The following SLC8A2 variants were observed in gnomAD, a reference collection of about 807,000 sequenced individuals.
The protein encoded by SLC8A2 is solute carrier family 8 member A2, also known as sodium/calcium exchanger 2.
In SLC8A2, 14 loss-of-function variants were observed where a neutral mutation model predicts 70.2. The ratio of observed to expected loss-of-function variants is 0.20; its 90% CI spans 0.13 to 0.31. SLC8A2 has a LOEUF of 0.31. Among genes scored for constraint, SLC8A2 ranks in the 10% least tolerant of loss-of-function variants. The probability of loss-of-function intolerance (pLI) is 1.00; values close to 1 mark genes in which losing one functional copy is unlikely to be tolerated. For missense variants in SLC8A2, 779 were observed against 1,320.1 expected (o/e 0.59, Z 6.35); for synonymous variants, 575 against 594.3 (o/e 0.97, Z 0.47).
chr19:47,449,324 T>A (rs1967207709), intron 3 of SLC8A2, among the ~76,000 whole-genome samples: 1 of 151,950 alleles, frequency 6.6e-6, no homozygotes, highest in South Asian at 2.1e-4. Context: ...TTTTTTGTTG[T>A]GTTTTGTTTT....
chr19:47,454,893 C>A (rs539337620), intron 3 of SLC8A2, among the ~76,000 whole-genome samples: 103 of 152,236 alleles, frequency 6.8e-4, no homozygotes, highest in Middle Eastern at 3.4e-3. Flanking sequence ...CAAGACCAGC[C>A]TGGCCAACAC....
chr19:47,459,508 C>G (rs916482352), intron 2 of SLC8A2, among the ~76,000 whole-genome samples: 9 of 152,042 alleles, frequency 5.9e-5, no homozygotes, highest in Admixed American at 3.9e-4. Flanking sequence ...CTCCCCATCT[C>G]TGTGTGTGTG....
At chr19:47,459,470 TTC>T (rs1967361048) in intron 2 of SLC8A2, among the ~76,000 whole-genome samples, 1 of 151,790 alleles carries the variant, frequency 6.6e-6, no homozygotes, top group Non-Finnish European at 1.5e-5. Context: ...AGAGCTACTT[TTC>T]TCTCTCTCCC....
Position 47,466,062 on chromosome 19 carries a change from A to G in SLC8A2, c.342T>C (p.Gly114=). 6.2e-7 allele frequency: 1 copy of G among 1,614,112 alleles called. No homozygotes were observed. Residue 114 remains glycine, a synonymous_variant, in exon 2 of 10, where the codon GGT becomes GGC. Coordinates refer to ENST00000236877, the MANE Select transcript of SLC8A2 (RefSeq NM_015063.3). The surrounding 1 kb of genome is among the most constrained non-coding windows in gnomAD (Gnocchi z 6.9). ...EKEITITKAN[G]ETSVGTVRIW... is the part of the protein sequence containing the mutation. Reference sequence around the variant, plus strand: ...TGCGAACGGTGCCCACGCTGGTCTCACCGTTGGCCTTGGTGATGGTGATCT... The same window carrying G: ...TGCGAACGGTGCCCACGCTGGTCTCGCCGTTGGCCTTGGTGATGGTGATCT...
chr19:47,432,237 G>A lies in SLC8A2; in HGVS notation c.2319C>T (p.Phe773=), dbSNP rs779551163. The change falls in exon 9 of 10, where the codon TTC becomes TTT. Residue 773 remains phenylalanine, a synonymous_variant. Coordinates refer to ENST00000236877, the MANE Select transcript of SLC8A2 (RefSeq NM_015063.3). This position sits in a 1 kb window ranked among gnomAD's most constrained non-coding sequence, Gnocchi z 6.2. ...TALIGDLASH[F]GCTVGLKDSV... ...AGTCCTTGAGGCCAACGGTGCAGCC[G>A]AAGTGGGAGGCGAGGTCCCCAATGA... is the stretch of plus-strand genomic sequence containing the variant. The A allele has an allele frequency of 1.1e-5, 18 of 1,613,982 alleles. No homozygotes were observed. Among genetic ancestry groups the A allele is most frequent in the Admixed American group, 3.3e-5 (2 of 60,002 alleles).
intron 8 of SLC8A2, 80 bp downstream of exon 8, chr19:47,437,382 C>G (rs753021150): frequency 2.9e-6 from 3 of 1,037,074 alleles, no homozygotes; most frequent in Non-Finnish European, 4.5e-6. Context: ...TTGTGCCTGT[C>G]TCTCCATTCA....
At position 47,468,568 on chromosome 19, in the gene SLC8A2, G is replaced by T. The variant is rs544503368; in HGVS notation, c.-16-2149C>A. Among the ~76,000 whole-genome samples, 21 of 152,280 alleles carry T rather than the reference G, an allele frequency of 1.4e-4. No individual in the cohort carries two copies. The highest frequency in any genetic ancestry group is 5.1e-4 in the African/African-American group (21 of 41,558). ...CTCCCAAAGTGCTGGGATCACAGGT[G>T]CGTGCCACCGTGCCCCGCCCACTCT... is the stretch of plus-strand genomic sequence containing the variant. On this transcript the variant is annotated intron_variant, in intron 1 of 9. Coordinates refer to ENST00000236877, the MANE Select transcript of SLC8A2 (RefSeq NM_015063.3). This position sits in a 1 kb window ranked among gnomAD's most constrained non-coding sequence, Gnocchi z 5.1.
At chr19:47,455,855 G>C (rs1036503593) in intron 3 of SLC8A2, among the ~76,000 whole-genome samples, 9 of 152,184 alleles carry the variant, frequency 5.9e-5, no homozygotes, top group African/African-American at 2.2e-4. Flanking sequence ...TGCAAGGAGA[G>C]GGGTAAGGAG....
At chr19:47,431,556 G>C (rs1966960272) in intron 9 of SLC8A2, among the ~76,000 whole-genome samples, 1 of 148,028 alleles carries the variant, frequency 6.8e-6, no homozygotes, top group Non-Finnish European at 1.5e-5. Flanking sequence ...GGCTGAGACA[G>C]AAGAATCGCT....
intron 8 of SLC8A2, among the ~76,000 whole-genome samples, chr19:47,435,902 A>G (rs532928726): frequency 6.6e-6 from 1 of 151,872 alleles, no homozygotes; most frequent in South Asian, 2.1e-4. Flanking sequence ...TCCTCCCACA[A>G]GCTCTCTCTA....
intron 8 of SLC8A2, among the ~76,000 whole-genome samples, chr19:47,435,784 G>A (rs1967021377): frequency 3.3e-5 from 5 of 152,126 alleles, no homozygotes. Context: ...CTGACCTCAG[G>A]TGATCCACCT....
rs772443483 is a variant in SLC8A2, at chr19:47,457,610, G to T, written c.676-16C>A. On this transcript the variant is annotated splice_polypyrimidine_tract_variant and intron_variant, in intron 2 of 9. Coordinates refer to ENST00000236877, the MANE Select transcript of SLC8A2 (RefSeq NM_015063.3). ...CCTCCCACACCTGCGGGCGGCGGGC[G>T]TCAGGGCGAGGCCGGGCGGGCCGCC... is the stretch of plus-strand genomic sequence containing the variant. 6.6e-7 allele frequency: 1 copy of T among 1,517,084 alleles called. No homozygotes were observed. The highest frequency in any genetic ancestry group is 8.8e-7 in the Non-Finnish European group (1 of 1,132,108). 94.0% of individuals were successfully genotyped at this position (1,517,084 alleles called of 1,614,324 possible). A position where few individuals can be genotyped will look rare whatever the true frequency, so the allele number is the denominator to read the frequency against.
intron 8 of SLC8A2, among the ~76,000 whole-genome samples, chr19:47,435,900 C>G (rs1237578837): frequency 6.6e-6 from 1 of 152,150 alleles, no homozygotes; most frequent in Non-Finnish European, 1.5e-5. Flanking sequence ...TTTCCTCCCA[C>G]AAGCTCTCTC....
In SLC8A2 at chr19:47,466,077, G is replaced by A. The variant is rs267605557; in HGVS notation, c.327C>T (p.Ile109=). 6.2e-7 allele frequency: 1 copy of A among 1,614,228 alleles called. No homozygotes were observed. The highest frequency in any genetic ancestry group is 8.5e-7 in the Non-Finnish European group (1 of 1,180,040). The change falls in exon 2 of 10, where the codon ATC becomes ATT. Residue 109 remains isoleucine, a synonymous_variant. Transcript: ENST00000236877. This position sits in a 1 kb window ranked among gnomAD's most constrained non-coding sequence, Gnocchi z 6.9. ...CGCTGGTCTCACCGTTGGCCTTGGT[G>A]ATGGTGATCTCCTTCTCTTTTGACG... ...VITSKEKEIT[I]TKANGETSVG... is the part of the protein sequence containing the mutation.
chr19:47,441,582 C>T (rs1156897599), intron 4 of SLC8A2, 142 bp from the exon 5 acceptor site: 2 of 604,012 alleles, frequency 3.3e-6, no homozygotes, highest in Admixed American at 2.8e-5. Context: ...CTTCTCACCA[C>T]CACGCAGGGA....
chr19:47,462,385 C>T (rs1348969658), intron 2 of SLC8A2, among the ~76,000 whole-genome samples: 2 of 152,056 alleles, frequency 1.3e-5, no homozygotes, highest in African/African-American at 4.8e-5. Context: ...CTGCCTCACG[C>T]TCCCGAGTAC....
At chr19:47,461,373 G>A (rs1391308254) in intron 2 of SLC8A2, among the ~76,000 whole-genome samples, 1 of 151,938 alleles carries the variant, frequency 6.6e-6, no homozygotes, top group African/African-American at 2.4e-5. Flanking sequence ...GCCAGGTGTG[G>A]TGGCGTGCGC....
chr19:47,456,889 T>C (rs1224639175), intron 3 of SLC8A2, 41 bp downstream of exon 3: 7 of 1,520,652 alleles, frequency 4.6e-6, no homozygotes, highest in Non-Finnish European at 6.1e-6. Context: ...ACCCACGGCC[T>C]GCGCCAGCCC....
intron 3 of SLC8A2, among the ~76,000 whole-genome samples, chr19:47,455,627 C>T (rs1178205071): frequency 6.6e-6 from 1 of 152,166 alleles, no homozygotes; most frequent in Non-Finnish European, 1.5e-5. Flanking sequence ...ATGATGTAGG[C>T]TGGTGAAAAT....
Sources: gnomAD v4.1 joint callset for allele counts (sites outside exome capture counted in the v4.1 genomes callset) on GRCh38, gnomAD v4.1.1 for gene constraint, Gnocchi (gnomAD v3.1) non-coding constraint, MANE v1.5 for transcripts, NCBI Gene and HGNC (gene_info 2026-07-23, HGNC 2026-07-21) for gene names.